The following CCDC188 variants were observed in gnomAD, a reference collection of about 807,000 sequenced individuals.
CCDC188 encodes coiled-coil domain containing 188, also known as coiled-coil domain-containing protein 188.
Under a neutral mutation model 50.7 loss-of-function variants are expected in CCDC188, and 37 were observed. The observed-to-expected ratio is 0.73, with a 90% CI of 0.56 to 0.96. The LOEUF (loss-of-function observed/expected upper bound fraction) is 0.96, where lower values mean the gene tolerates loss of function less well. Among genes scored for constraint, CCDC188 ranks in the 40% least tolerant of loss-of-function variants. The pLI is 0.00. For missense variants in CCDC188, 453 were observed against 512.9 expected (o/e 0.88, Z 1.13); for synonymous variants, 208 against 228.0 (o/e 0.91, Z 0.79).
At chr22:20,150,339 G>C in intron 1 of CCDC188, 89 bp from the exon 2 acceptor site, 1 of 968,440 alleles carries the variant, frequency 1.0e-6, no homozygotes, top group Non-Finnish European at 1.5e-6. Flanking sequence ...CAGGTGGTGG[G>C]TGGGGCTGGG....
chr22:20,149,984 C>G lies in CCDC188; in HGVS notation c.703G>C (p.Gly235Arg). Reference protein sequence around the residue: ...LQLLRRELCQGQEAFVQQSQN... With the variant: ...LQLLRRELCQRQEAFVQQSQN... ...GACTGTTGCACGAAAGCCTCTTGCC[C>G]CTGGCACAGCTCCCGCCGCAGCAGC... The change falls in exon 3 of 9, where the codon GGG becomes CGG. Residue 235 changes from glycine to arginine, a missense_variant. Transcript: ENST00000439765. 6.5e-7 allele frequency: 1 copy of G among 1,548,124 alleles called. No individual in the cohort carries two copies. The highest frequency in any genetic ancestry group is 2.0e-5 in the Admixed American group (1 of 50,948).
intron 4 of CCDC188, 40 bp from the exon 5 acceptor site, chr22:20,149,680 C>G: frequency 6.5e-7 from 1 of 1,544,954 alleles, no homozygotes; most frequent in Admixed American, 2.0e-5. Flanking sequence ...GCAGGACCCA[C>G]TGGGTGGGCC....
rs1224359985 is a variant in CCDC188 at position 20,150,707 on chromosome 22, G to T, written c.280C>A (p.Gln94Lys). 6 of 1,550,138 alleles carry T rather than the reference G, an allele frequency of 3.9e-6. No individual in the cohort carries two copies. The highest frequency in any genetic ancestry group is 5.2e-6 in the Non-Finnish European group (6 of 1,146,790). Residue 94 changes from glutamine (Q) to lysine (K), a missense_variant, in exon 1 of 9, where the codon CAA (glutamine) becomes AAA (lysine). Transcript: ENST00000439765. ...CCAAGCCCTGCCTCCAGGTCTCCTT[G>T]TCTCGGCCCCTCAGTGTCTCTCGCT... ...QRARDTEGPR[Q>K]GDLEAGLGWG... is the part of the protein sequence containing the mutation.
Position 20,150,563 on chromosome 22 carries a change from C to A in CCDC188, c.424G>T (p.Ala142Ser). 6.5e-7 allele frequency: 1 copy of A among 1,547,870 alleles called. No homozygotes were observed. The highest frequency in any genetic ancestry group is 8.7e-7 in the Non-Finnish European group (1 of 1,145,450). The change falls in exon 1 of 9, where the codon GCC (alanine) becomes TCC (serine). Residue 142 changes from alanine (A) to serine (S), a missense_variant. Coordinates refer to ENST00000439765, the MANE Select transcript of CCDC188 (RefSeq NM_001365892.2). The stretch of plus-strand genomic sequence containing the variant: ...TGGGACAGGGCTACCCTGGGCGAGG[C>A]CAGGGCCCCTCCCTCCCGTGACAGG... ...PPLSREGGAL[A>S]SPRVALSQLQ...
In CCDC188 at chr22:20,148,779, C is replaced by T; in HGVS notation, c.1044G>A (p.Leu348=). Residue 348 remains leucine (L), a synonymous_variant, in exon 9 of 9, where the codon CTG becomes CTA. Transcript: ENST00000439765. Reference sequence around the variant, plus strand: ...CGGTCCAGACCAGCAGGGCGCCCAGCAGCAGCCTCAGGGTCAGCAGCCTGC... The same window carrying T: ...CGGTCCAGACCAGCAGGGCGCCCAGTAGCAGCCTCAGGGTCAGCAGCCTGC... ...GQLWLLTLRL[L]LGALLVWTAA... The T allele has an allele frequency of 2.7e-6, 4 of 1,472,192 alleles. No individual in the cohort carries two copies. Among genetic ancestry groups the T allele is most frequent in the African/African-American group, 1.4e-5 (1 of 69,964 alleles). 91.2% of individuals were successfully genotyped at this position (1,472,192 alleles called of 1,614,324 possible).
Position 20,148,811 on chromosome 22 carries a change from C to T in CCDC188, c.1023-11G>A, listed in dbSNP as rs551012665. ...CTCAGGGTCAGCAGCCTGCGGGCGG[C>T]GGTGGTCAGGGGCAGGGGCGCGCGG... On this transcript the variant is annotated splice_polypyrimidine_tract_variant and intron_variant, in intron 8 of 8. Transcript: ENST00000439765. 8.9e-5 allele frequency: 129 copies of T among 1,453,686 alleles called. No individual in the cohort carries two copies. In the African/African-American group the frequency reaches 1.1e-3, roughly 12 times the overall value. The allele number at this position is 1,453,686 out of a possible 1,614,324, so 90.0% of individuals were successfully genotyped here.
At position 20,150,220 on chromosome 22, in the gene CCDC188, G is replaced by C; in HGVS notation, c.550C>G (p.Leu184Val). 1 of 1,548,738 alleles carries C rather than the reference G, an allele frequency of 6.5e-7. No homozygotes were observed. The highest frequency in any genetic ancestry group is 8.7e-7 in the Non-Finnish European group (1 of 1,146,138). The change falls in exon 2 of 9, where the codon CTG (leucine) becomes GTG (valine). Residue 184 changes from leucine (L) to valine (V), a missense_variant. Transcript: ENST00000439765. ...KRQNQELREQ[L>V]GALLGPGQQF... ...TGCCCCGGCCCCAGGAGGGCCCCCA[G>C]CTGCTCCCGAAGTTCCTGATTCTGC...
Position 20,149,982 on chromosome 22 carries a change from C to A in CCDC188, c.705G>T (p.Gly235=). The A allele has an allele frequency of 2.6e-6, 4 of 1,548,088 alleles. No homozygotes were observed. The highest frequency in any genetic ancestry group is 2.1e-4 in the Middle Eastern group (1 of 4,742). The part of the protein sequence containing the change: ...LQLLRRELCQ[G]QEAFVQQSQN... ...GGGACTGTTGCACGAAAGCCTCTTGCCCCTGGCACAGCTCCCGCCGCAGCA... is the reference window on the plus strand; with the variant it reads ...GGGACTGTTGCACGAAAGCCTCTTGACCCTGGCACAGCTCCCGCCGCAGCA... The change falls in exon 3 of 9, where the codon GGG becomes GGT. Residue 235 remains glycine, a synonymous_variant. Coordinates refer to ENST00000439765, the MANE Select transcript of CCDC188 (RefSeq NM_001365892.2).
intron 6 of CCDC188, 34 bp from the exon 7 acceptor site, chr22:20,149,278 T>TCCACCCCCAGCCTGGCAC (rs2050573418): frequency 6.6e-7 from 1 of 1,526,124 alleles, no homozygotes; most frequent in African/African-American, 1.4e-5. Context: ...CCCCACACCC[T>TCCACCCCCAGCCTGGCAC]CCACCCCCAG....
chr22:20,149,662 C>T, intron 4 of CCDC188, 22 bp from the exon 5 acceptor site: 4 of 1,548,978 alleles, frequency 2.6e-6, no homozygotes, highest in Non-Finnish European at 2.6e-6. Context: ...TGGGGTCACG[C>T]CTGAGGAGCA....
chr22:20,149,562 C>A lies in CCDC188; in HGVS notation c.849+19G>T. ...CCGCCGGGCCCCGTCCTTCTGGGTGCTGCCCTGTGGGGACCTACCAGGAGC... is the reference window on the plus strand; with the variant it reads ...CCGCCGGGCCCCGTCCTTCTGGGTGATGCCCTGTGGGGACCTACCAGGAGC... On this transcript the variant is annotated intron_variant, in intron 5 of 8. Transcript: ENST00000439765. 1 of 1,550,236 alleles carries A rather than the reference C, an allele frequency of 6.5e-7. No individual in the cohort carries two copies. Among genetic ancestry groups the A allele is most frequent in the Non-Finnish European group, 8.7e-7 (1 of 1,146,914 alleles).
Position 20,150,865 on chromosome 22 carries a change from G to T in CCDC188, c.122C>A (p.Pro41His). 2 of 1,511,806 alleles carry T rather than the reference G, an allele frequency of 1.3e-6. No homozygotes were observed. The highest frequency in any genetic ancestry group is 1.8e-6 in the Non-Finnish European group (2 of 1,121,260). The allele number at this position is 1,511,806 out of a possible 1,614,324, so 93.6% of individuals were successfully genotyped here. A position where few individuals can be genotyped will look rare whatever the true frequency, so the allele number is the denominator to read the frequency against. The change falls in exon 1 of 9, where the codon CCC becomes CAC. Residue 41 changes from proline to histidine, a missense_variant. By Grantham distance (77) the Pro-to-His change is moderately conservative. Coordinates refer to ENST00000439765, the MANE Select transcript of CCDC188 (RefSeq NM_001365892.2). ...DQPCQGFVGW[P>H]CLGPISSAHS... is the part of the protein sequence containing the mutation. ...AGCAGAGGAGATGGGGCCCAGGCAG[G>T]GCCACCCTACAAATCCCTGGCAGGG...
intron 4 of CCDC188, 29 bp downstream of exon 4, chr22:20,149,695 G>T (rs1446896124): frequency 6.5e-7 from 1 of 1,542,040 alleles, no homozygotes; most frequent in Non-Finnish European, 8.8e-7. Context: ...TGGGCCCCCA[G>T]CACCCCTCCC....
chr22:20,150,922 G>T lies in CCDC188; in HGVS notation c.65C>A (p.Ala22Asp). 7.0e-7 allele frequency: 1 copy of T among 1,418,870 alleles called. No individual in the cohort carries two copies. The highest frequency in any genetic ancestry group is 9.3e-7 in the Non-Finnish European group (1 of 1,077,626). 87.9% of individuals were successfully genotyped at this position (1,418,870 alleles called of 1,614,324 possible). ...CAGGCCTCCTCCATGGCTGCTGGAG[G>T]CTGGGGTTGGGGGACACTGGGGGTG... ...HPHPQCPPTP[A>D]SSSHGGGLDQ... Residue 22 changes from alanine to aspartate, a missense_variant, in exon 1 of 9, where the codon GCC becomes GAC. Transcript: ENST00000439765.
At chr22:20,149,910 G>A (rs1292824411) in intron 3 of CCDC188, 45 bp downstream of exon 3, 9 of 1,511,020 alleles carry the variant, frequency 6.0e-6, no homozygotes, top group Non-Finnish European at 8.0e-6. Context: ...CTGGAGTGCT[G>A]TTACGAAGCT....
At chr22:20,149,864 G>A (rs2050591384) in intron 3 of CCDC188, 84 bp from the exon 4 acceptor site, 12 of 1,485,272 alleles carry the variant, frequency 8.1e-6, no homozygotes, top group African/African-American at 1.4e-5. Flanking sequence ...CCTACTGCAC[G>A]AAGACCTCCC....
rs1395046973 is a variant in CCDC188 at position 20,150,759 on chromosome 22, C to G, written c.228G>C (p.Gly76=). ...SGPTVEGEAP[G]LFLSSQEQRA... ...TCTGCTCCTGGCTGGACAGAAAGAG[C>G]CCGGGAGCCTCGCCCTCCACTGTGG... Residue 76 remains glycine, a synonymous_variant, in exon 1 of 9, where the codon GGG becomes GGC. Coordinates refer to ENST00000439765, the MANE Select transcript of CCDC188 (RefSeq NM_001365892.2). 3.2e-6 allele frequency: 5 copies of G among 1,550,184 alleles called. No homozygotes were observed. The highest frequency in any genetic ancestry group is 4.4e-6 in the Non-Finnish European group (5 of 1,146,818).
chr22:20,148,575 G>T lies in CCDC188; in HGVS notation c.*39C>A. 6.7e-7 allele frequency: 1 copy of T among 1,503,730 alleles called. No individual in the cohort carries two copies. Among genetic ancestry groups the T allele is most frequent in the Non-Finnish European group, 8.9e-7 (1 of 1,126,610 alleles). The allele number at this position is 1,503,730 out of a possible 1,614,324, so 93.1% of individuals were successfully genotyped here. A position where few individuals can be genotyped will look rare whatever the true frequency, so the allele number is the denominator to read the frequency against. ...CCACTGGGCATCCGGGGCAGTGCTG[G>T]TCGCCTGGCCTCCTTGCTGGGGCCG... On this transcript the variant is annotated 3_prime_UTR_variant, in exon 9 of 9. Coordinates refer to ENST00000439765, the MANE Select transcript of CCDC188 (RefSeq NM_001365892.2).
chr22:20,149,802 G>T, intron 3 of CCDC188, 22 bp from the exon 4 acceptor site: 1 of 1,494,562 alleles, frequency 6.7e-7, no homozygotes, highest in Non-Finnish European at 9.0e-7. Flanking sequence ...GCCCAGGATG[G>T]GCTTGGGCAG....
Sources: allele counts gnomAD v4.1 joint callset, GRCh38; gene constraint gnomAD v4.1.1; transcripts MANE v1.5; gene names NCBI Gene and HGNC (gene_info 2026-07-23, HGNC 2026-07-21).